Variants in DOCK4 observed in about 807,000 individuals in gnomAD.
DOCK4 encodes the protein dedicator of cytokinesis 4.
In DOCK4, 97 loss-of-function variants were observed where a neutral mutation model predicts 268.1. The observed-to-expected ratio is 0.36, with a 90% CI of 0.31 to 0.43. DOCK4 has a LOEUF of 0.43. Among genes scored for constraint, DOCK4 ranks in the 20% least tolerant of loss-of-function variants. The pLI is 1.00. For missense variants in DOCK4, 2,145 were observed against 2,455.7 expected (o/e 0.87, Z 2.67); for synonymous variants, 954 against 887.2 (o/e 1.08, Z -1.34).
chr7:112,186,150 T>C (rs1819482734), intron 1 of DOCK4, among the ~76,000 whole-genome samples: 1 of 152,246 alleles, frequency 6.6e-6, no homozygotes, highest in Non-Finnish European at 1.5e-5. Context: ...TAGCCCTGGC[T>C]CTGCACCAAC....
At chr7:112,103,701 G>T (rs1187814057) in intron 1 of DOCK4, among the ~76,000 whole-genome samples, 1 of 152,100 alleles carries the variant, frequency 6.6e-6, no homozygotes, top group African/African-American at 2.4e-5. Flanking sequence ...GGCAAACAGG[G>T]CGAAACCCCG....
At chr7:111,736,526 C>A (rs971701114) in intron 50 of DOCK4, among the ~76,000 whole-genome samples, 1 of 152,116 alleles carries the variant, frequency 6.6e-6, no homozygotes, top group African/African-American at 2.4e-5. Flanking sequence ...CATGAGTTGG[C>A]TGAATGAGCT....
intron 1 of DOCK4, among the ~76,000 whole-genome samples, chr7:112,203,005 T>C (rs373213283): frequency 6.6e-6 from 1 of 152,166 alleles, no homozygotes; most frequent in Non-Finnish European, 1.5e-5. Flanking sequence ...AAAGTGTCTC[T>C]GTCATAGCAG....
At chr7:111,732,331 G>C in intron 51 of DOCK4, 44 bp from the exon 52 acceptor site, 1 of 1,598,472 alleles carries the variant, frequency 6.3e-7, no homozygotes. Context: ...AGAAAAACCA[G>C]ACGATTGACT....
intron 1 of DOCK4, among the ~76,000 whole-genome samples, chr7:112,083,604 T>C (rs960804342): frequency 6.6e-6 from 1 of 151,970 alleles, no homozygotes; most frequent in Non-Finnish European, 1.5e-5. Flanking sequence ...CCAAAATAGC[T>C]ATGAAAACAA....
intron 51 of DOCK4, among the ~76,000 whole-genome samples, chr7:111,732,904 C>T (rs117879598): frequency 2.0e-5 from 3 of 152,318 alleles, no homozygotes; most frequent in East Asian, 1.9e-4. Context: ...ATTTCATCAT[C>T]GTGGCCAAGA....
At chr7:112,049,108 G>A (rs561004706) in intron 1 of DOCK4, among the ~76,000 whole-genome samples, 20 of 152,276 alleles carry the variant, frequency 1.3e-4, no homozygotes, top group African/African-American at 4.6e-4. Context: ...ACCAGAAGTC[G>A]TAATTACATG....
chr7:111,907,786 T>C (rs1327118368), intron 13 of DOCK4, among the ~76,000 whole-genome samples: 1 of 152,164 alleles, frequency 6.6e-6, no homozygotes, highest in Non-Finnish European at 1.5e-5. Flanking sequence ...TGGAGTGTAA[T>C]GGCATGATCT....
In DOCK4 at chr7:111,760,168, T is replaced by C. The variant is rs966285480; in HGVS notation, c.4162+13A>G. ...GCAATCTCACTGAGTCCAGCCCTTG[T>C]AGGTGCGGATACACTGAGCTTCTGC... On this transcript the variant is annotated intron_variant, in intron 40 of 52. Transcript: ENST00000428084. The C allele has an allele frequency of 3.7e-6, 6 of 1,613,602 alleles. No homozygotes were observed. In the African/African-American group the frequency reaches 4.0e-5, roughly 11 times the overall value.
At chr7:111,887,642 A>G (rs528894634) in intron 16 of DOCK4, among the ~76,000 whole-genome samples, 90 of 152,242 alleles carry the variant, frequency 5.9e-4, no homozygotes, top group South Asian at 2.3e-3. Flanking sequence ...AAAGGGGAAA[A>G]ACTTCAGTTG....
At chr7:111,912,630 T>C (rs934894604) in intron 13 of DOCK4, among the ~76,000 whole-genome samples, 4 of 150,898 alleles carry the variant, frequency 2.7e-5, no homozygotes, top group Non-Finnish European at 4.4e-5. Context: ...GGAAAGAAGA[T>C]GGAGGAGGGA....
chr7:111,793,780 C>T (rs1200038404), intron 30 of DOCK4, among the ~76,000 whole-genome samples: 1 of 152,090 alleles, frequency 6.6e-6, no homozygotes, highest in African/African-American at 2.4e-5. Context: ...CTTTGGGAGG[C>T]CAAGGCAGGA....
rs376684328 is a variant in DOCK4 at position 112,037,001 on chromosome 7, C to G, written c.38-32870G>C. Among the ~76,000 whole-genome samples the G allele has an allele frequency of 2.4e-4, 37 of 152,294 alleles. No homozygotes were observed. In the East Asian group the frequency reaches 4.6e-3, roughly 19 times the overall value. ...TTACATGATGTGAAAGCAATACACA[C>G]TGACAGTAGAAACCACACTTCAAAT... is the stretch of plus-strand genomic sequence containing the variant. On this transcript the variant is annotated intron_variant, in intron 1 of 52. Transcript: ENST00000428084.
chr7:111,991,418 G>T (rs985852541), intron 5 of DOCK4, among the ~76,000 whole-genome samples: 7 of 152,104 alleles, frequency 4.6e-5, no homozygotes, highest in Non-Finnish European at 1.0e-4. Context: ...AAATGCTTTT[G>T]ATTTAATGCT....
intron 8 of DOCK4, among the ~76,000 whole-genome samples, chr7:111,960,363 T>TA (rs554540895): frequency 0.057 from 7,536 of 132,434 alleles, 484 homozygotes; most frequent in African/African-American, 0.16. Flanking sequence ...GGCTCTGTCT[T>TA]AAAAAAAAAA....
At chr7:111,728,772 G>A in intron 52 of DOCK4, 52 bp from the exon 53 acceptor site, 1 of 1,508,238 alleles carries the variant, frequency 6.6e-7, no homozygotes, top group Non-Finnish European at 8.9e-7. Flanking sequence ...AGTCGTGAAC[G>A]CAGATGCGCT....
chr7:112,187,613 T>C (rs1342974675), intron 1 of DOCK4, among the ~76,000 whole-genome samples: 1 of 152,038 alleles, frequency 6.6e-6, no homozygotes, highest in Non-Finnish European at 1.5e-5. Flanking sequence ...AGAGTGTGCT[T>C]TTGCGCTCAG....
chr7:112,198,898 C>T (rs1026927940), intron 1 of DOCK4, among the ~76,000 whole-genome samples: 9 of 152,126 alleles, frequency 5.9e-5, no homozygotes, highest in African/African-American at 2.2e-4. Context: ...GTCTGATGCT[C>T]CAACGTGCTC....
intron 36 of DOCK4, among the ~76,000 whole-genome samples, chr7:111,775,089 T>C (rs1798360730): frequency 6.6e-6 from 1 of 152,210 alleles, no homozygotes; most frequent in Non-Finnish European, 1.5e-5. Flanking sequence ...GAAATGGTTT[T>C]GAAAGATTTC....
Sources: gnomAD v4.1 joint callset for allele counts (sites outside exome capture counted in the v4.1 genomes callset) on GRCh38, gnomAD v4.1.1 for gene constraint, MANE v1.5 for transcripts, NCBI Gene and HGNC (gene_info 2026-07-23, HGNC 2026-07-21) for gene names.